NDC1: variants seen among roughly 807,000 people sequenced by gnomAD.
NDC1 encodes NDC1 transmembrane nucleoporin.
Under a neutral mutation model 89.8 loss-of-function variants are expected in NDC1, and 24 were observed. The ratio of observed to expected loss-of-function variants is 0.27; its 90% CI spans 0.19 to 0.38. The LOEUF (loss-of-function observed/expected upper bound fraction) is 0.38. Ranked by LOEUF, NDC1 falls within the 10% of genes least tolerant of loss-of-function variation. The probability of loss-of-function intolerance (pLI) is 1.00; values close to 1 mark genes in which losing one functional copy is unlikely to be tolerated. For synonymous variants in NDC1, 296 were observed against 284.8 expected (o/e 1.04, Z -0.39); for missense variants, 728 against 797.6 (o/e 0.91, Z 1.05).
rs1177317105 is a variant in NDC1 at position 53,765,744 on chromosome 1, A to C, written c.*2226T>G. The C allele has an allele frequency of 2.6e-5, 4 of 152,174 alleles. No homozygotes were observed. Among genetic ancestry groups the C allele is most frequent in the African/African-American group, 9.7e-5 (4 of 41,450 alleles). The allele number at this position is 152,174 out of a possible 1,614,324, so 9.4% of individuals were successfully genotyped here. A position where few individuals can be genotyped will look rare whatever the true frequency, so the allele number is the denominator to read the frequency against. ...TCAAGCAAACATGCTAAGAGCTGAT[A>C]CCATCATGTTTTTATACTAACAGCC... On this transcript the variant is annotated 3_prime_UTR_variant, in exon 18 of 18. Transcript: ENST00000371429.
chr1:53,795,704 C>A (rs920125241), intron 13 of NDC1, among the ~76,000 whole-genome samples: 4 of 152,300 alleles, frequency 2.6e-5, no homozygotes, highest in Admixed American at 2.6e-4. Context: ...CACTCTGGTC[C>A]CAGATACCAC....
intron 9 of NDC1, 117 bp downstream of exon 9, chr1:53,806,308 C>T: frequency 1.7e-6 from 1 of 585,234 alleles, no homozygotes; most frequent in Non-Finnish European, 2.7e-6. Context: ...TTTATCATAC[C>T]AGTACAAGAA....
chr1:53,800,193 T>C (rs1181178), intron 11 of NDC1, among the ~76,000 whole-genome samples: 19,675 of 152,066 alleles, frequency 0.13, 2,650 homozygotes, highest in African/African-American at 0.34. Flanking sequence ...ACGTGATGTT[T>C]TGGGCTTAAT....
intron 3 of NDC1, among the ~76,000 whole-genome samples, chr1:53,828,755 G>T (rs1212047202): frequency 1.3e-5 from 2 of 152,014 alleles, no homozygotes; most frequent in African/African-American, 4.8e-5. Flanking sequence ...GGGATTACCG[G>T]TGCCTGCCAC....
chr1:53,827,392 T>C (rs981672636), intron 4 of NDC1, among the ~76,000 whole-genome samples: 2 of 151,992 alleles, frequency 1.3e-5, no homozygotes, highest in African/African-American at 4.8e-5. Context: ...TCCTCCTGCC[T>C]CAGCCTGCCA....
intron 8 of NDC1, among the ~76,000 whole-genome samples, chr1:53,807,295 A>G (rs1055672768): frequency 6.6e-6 from 1 of 151,844 alleles, no homozygotes; most frequent in East Asian, 1.9e-4. Flanking sequence ...CACATATTTA[A>G]ATATTTTAAT....
At chr1:53,831,003 C>T (rs1027392979) in intron 3 of NDC1, among the ~76,000 whole-genome samples, 3 of 152,186 alleles carry the variant, frequency 2.0e-5, no homozygotes, top group South Asian at 4.1e-4. Context: ...AGGCCGATCA[C>T]GAGGTGAGGA....
At chr1:53,830,367 T>C (rs1274745579) in intron 3 of NDC1, among the ~76,000 whole-genome samples, 2 of 151,460 alleles carry the variant, frequency 1.3e-5, no homozygotes, top group Non-Finnish European at 2.9e-5. Context: ...GGCAGGAGAA[T>C]TGCTTGCACC....
intron 16 of NDC1, among the ~76,000 whole-genome samples, chr1:53,773,157 T>C (rs1286042611): frequency 1.3e-5 from 2 of 152,082 alleles, no homozygotes; most frequent in African/African-American, 4.8e-5. Flanking sequence ...CTAAATAGTT[T>C]ATCTTCCTTT....
chr1:53,830,811 G>A (rs1303061119), intron 3 of NDC1, among the ~76,000 whole-genome samples: 2 of 151,562 alleles, frequency 1.3e-5, no homozygotes, highest in African/African-American at 2.4e-5. Flanking sequence ...GCGGTGAGCC[G>A]AGATCACGCC....
intron 16 of NDC1, among the ~76,000 whole-genome samples, chr1:53,775,451 G>C (rs1297711348): frequency 1.3e-5 from 2 of 151,874 alleles, no homozygotes; most frequent in Admixed American, 1.3e-4. Flanking sequence ...TAGAGATAGG[G>C]TTTCACCATA....
At chr1:53,804,235 T>G (rs1648027022) in intron 9 of NDC1, among the ~76,000 whole-genome samples, 1 of 152,194 alleles carries the variant, frequency 6.6e-6, no homozygotes, top group Non-Finnish European at 1.5e-5. Context: ...GAATTCTCTG[T>G]GCTCTTTCAT....
At chr1:53,806,675 A>AT (rs1455921151) in intron 8 of NDC1, among the ~76,000 whole-genome samples, 158 bp from the exon 9 acceptor site, 2 of 151,982 alleles carry the variant, frequency 1.3e-5, no homozygotes, top group Non-Finnish European at 2.9e-5. Context: ...CAAACACACC[A>AT]TTTTTTTTAA....
In NDC1 at chr1:53,809,751, A is replaced by AG. The variant is rs1307476516; in HGVS notation, c.704-6dup. The AG allele has an allele frequency of 1.2e-6, 2 of 1,611,474 alleles. No individual in the cohort carries two copies. Among genetic ancestry groups the AG allele is most frequent in the African/African-American group, 2.7e-5 (2 of 74,884 alleles). ...TCCAAGCTTTGGGAATATAGCCTGA[A>AG]GGGAAAAAATACCAAGCTATGAACA... On this transcript the variant is annotated splice_polypyrimidine_tract_variant and splice_region_variant and intron_variant, in intron 6 of 17. Transcript: ENST00000371429.
intron 14 of NDC1, among the ~76,000 whole-genome samples, chr1:53,792,012 G>A (rs557011788): frequency 2.7e-5 from 4 of 150,504 alleles, no homozygotes; most frequent in East Asian, 2.0e-4. Flanking sequence ...GCTCTATCTC[G>A]GCTCACTGCA....
At chr1:53,785,357 G>T (rs1000222528) in intron 16 of NDC1, among the ~76,000 whole-genome samples, 38 of 152,154 alleles carry the variant, frequency 2.5e-4, no homozygotes, top group Admixed American at 2.2e-3. Context: ...GCAGGGAATT[G>T]CTAGGAAACT....
At chr1:53,813,014 A>G (rs1332159533) in intron 6 of NDC1, among the ~76,000 whole-genome samples, 1 of 152,248 alleles carries the variant, frequency 6.6e-6, no homozygotes, top group Non-Finnish European at 1.5e-5. Context: ...ACTAAGCATC[A>G]TATATGAAGA....
chr1:53,825,957 T>TGA (rs1279801336), intron 4 of NDC1, 21 bp from the exon 5 acceptor site: 8 of 1,607,992 alleles, frequency 5.0e-6, no homozygotes, highest in Non-Finnish European at 6.8e-6. Context: ...AAAATTAAGT[T>TGA]ATTAATTCAA....
At chr1:53,795,560 C>T (rs1191482337) in intron 13 of NDC1, among the ~76,000 whole-genome samples, 2 of 152,158 alleles carry the variant, frequency 1.3e-5, no homozygotes, top group Non-Finnish European at 2.9e-5. Context: ...TCCAGATCTT[C>T]AGGCCAAAAA....
Sources: allele counts gnomAD v4.1 joint callset (sites outside exome capture counted in the v4.1 genomes callset), GRCh38; gene constraint gnomAD v4.1.1; transcripts MANE v1.5; gene names NCBI Gene and HGNC (gene_info 2026-07-23, HGNC 2026-07-21).